Variants in TNFSF4 observed in about 807,000 individuals in gnomAD.
The protein encoded by TNFSF4 is tumor necrosis factor ligand superfamily member 4.
A neutral mutation model predicts 7.3 loss-of-function variants in TNFSF4; 4 were observed. The ratio of observed to expected loss-of-function variants is 0.55; its 90% confidence interval spans 0.27 to 1.25. TNFSF4 has a LOEUF of 1.25. Among genes scored for constraint, TNFSF4 ranks in the 50% most tolerant of loss-of-function variants. TNFSF4 has a pLI of 0.12. For synonymous variants in TNFSF4, 76 were observed against 83.7 expected (o/e 0.91, Z 0.50); for missense variants, 181 against 208.8 (o/e 0.87, Z 0.82).
At chr1:173,329,355 G>A in the TNFSF4 span, among the ~76,000 whole-genome samples, 1 of 152,082 alleles carries the variant, frequency 6.6e-6, no homozygotes, top group Non-Finnish European at 1.5e-5. Context: ...TACTTGTTAT[G>A]CTGTATTGTC....
chr1:173,373,350 A>G, the TNFSF4 span, among the ~76,000 whole-genome samples: 1 of 152,188 alleles, frequency 6.6e-6, no homozygotes, highest in African/African-American at 2.4e-5. Flanking sequence ...AGAAATACCT[A>G]TGGAAGGACC....
At chr1:173,258,344 G>T in the TNFSF4 span, among the ~76,000 whole-genome samples, 1 of 151,982 alleles carries the variant, frequency 6.6e-6, no homozygotes, top group African/African-American at 2.4e-5. Context: ...GGAAAAGCAG[G>T]GTGGAAAAAT....
At chr1:173,404,921 C>A in the TNFSF4 span, among the ~76,000 whole-genome samples, 1 of 151,932 alleles carries the variant, frequency 6.6e-6, no homozygotes, top group African/African-American at 2.4e-5. Flanking sequence ...TGTGAGCCAC[C>A]CTGCCCAGCC....
At chr1:173,285,600 G>T in the TNFSF4 span, among the ~76,000 whole-genome samples, 1 of 152,092 alleles carries the variant, frequency 6.6e-6, no homozygotes, top group African/African-American at 2.4e-5. Flanking sequence ...AATTGCCACT[G>T]CCACCACAAC....
the TNFSF4 span, among the ~76,000 whole-genome samples, chr1:173,390,737 C>CCT: frequency 2.3e-5 from 3 of 131,604 alleles, no homozygotes; most frequent in Admixed American, 8.0e-5. Flanking sequence ...CATTCTGCTT[C>CCT]TTTTTTTTTT....
the TNFSF4 span, chr1:173,175,524 G>C: frequency 2.6e-5 from 4 of 151,514 alleles, no homozygotes; most frequent in East Asian, 5.8e-4. Context: ...CTTTATTTTT[G>C]CTTTCTCCTC....
chr1:173,176,354 T>A, the TNFSF4 span, among the ~76,000 whole-genome samples: 1 of 152,158 alleles, frequency 6.6e-6, no homozygotes, highest in Non-Finnish European at 1.5e-5. Context: ...GGATACTCTA[T>A]CCCTCAGATG....
chr1:173,234,787 C>A, the TNFSF4 span, among the ~76,000 whole-genome samples: 2 of 152,032 alleles, frequency 1.3e-5, no homozygotes, highest in African/African-American at 2.4e-5. Context: ...CACACCGGGG[C>A]CTGTCGTGGG....
chr1:173,183,427 TAAG>T (rs1055570931), downstream of TNFSF4, among the ~76,000 whole-genome samples: 33 of 152,136 alleles, frequency 2.2e-4, no homozygotes, highest in African/African-American at 7.7e-4. Context: ...AGAGGGGACA[TAAG>T]AAATCATCCA....
At chr1:173,384,719 A>AT in the TNFSF4 span, among the ~76,000 whole-genome samples, 1 of 152,192 alleles carries the variant, frequency 6.6e-6, no homozygotes, top group African/African-American at 2.4e-5. Context: ...ATCTTGCCAT[A>AT]TTCTTTTTTT....
At chr1:173,420,222 A>G in the TNFSF4 span, among the ~76,000 whole-genome samples, 3 of 152,290 alleles carry the variant, frequency 2.0e-5, no homozygotes, top group South Asian at 2.1e-4. Flanking sequence ...ACAAAAAAAA[A>G]AGTAAAAAAC....
the TNFSF4 span, among the ~76,000 whole-genome samples, chr1:173,282,634 T>G: frequency 6.6e-6 from 1 of 152,210 alleles, no homozygotes; most frequent in East Asian, 1.9e-4. Flanking sequence ...AATTTTTGTA[T>G]TTTTAATAGA....
the TNFSF4 span, among the ~76,000 whole-genome samples, chr1:173,404,802 T>C: frequency 2.0e-5 from 3 of 152,106 alleles, no homozygotes; most frequent in Non-Finnish European, 4.4e-5. Flanking sequence ...CTGATAATTT[T>C]TGTATTTTTA....
the TNFSF4 span, among the ~76,000 whole-genome samples, chr1:173,177,302 T>A: frequency 2.6e-5 from 4 of 152,124 alleles, no homozygotes; most frequent in African/African-American, 4.8e-5. Flanking sequence ...GCAACATGGA[T>A]GGAGCTGGAA....
the TNFSF4 span, among the ~76,000 whole-genome samples, chr1:173,334,158 G>T: frequency 1.3e-5 from 2 of 152,072 alleles, no homozygotes; most frequent in African/African-American, 4.8e-5. Flanking sequence ...GTTCTTAATT[G>T]GTTGTGGGTT....
chr1:173,391,435 CAAAAAAAAAAAAAAAA>C, the TNFSF4 span, among the ~76,000 whole-genome samples: 27 of 108,820 alleles, frequency 2.5e-4, no homozygotes, highest in East Asian at 4.7e-4. Flanking sequence ...CCTTAGAAAG[CAAAAAAAAAAAAAAAA>C]AAAAAAAAAA....
the TNFSF4 span, among the ~76,000 whole-genome samples, chr1:173,410,490 T>C: frequency 6.6e-6 from 1 of 152,352 alleles, no homozygotes; most frequent in Admixed American, 6.5e-5. Flanking sequence ...AACTCCCCAT[T>C]TCTTCTTCTC....
chr1:173,199,824 T>C (rs1210341550), intron 1 of TNFSF4, among the ~76,000 whole-genome samples: 1 of 150,378 alleles, frequency 6.6e-6, no homozygotes, highest in Non-Finnish European at 1.5e-5. Flanking sequence ...TGGGAGATTA[T>C]ATAGCTTAAT....
the TNFSF4 span, among the ~76,000 whole-genome samples, chr1:173,380,011 C>T: frequency 3.9e-5 from 6 of 152,186 alleles, no homozygotes; most frequent in Non-Finnish European, 7.3e-5. Context: ...CACTGAGCGC[C>T]GGGTACGTTT....
Sources: gnomAD v4.1 joint callset for allele counts (sites outside exome capture counted in the v4.1 genomes callset) on GRCh38, gnomAD v4.1.1 for gene constraint, MANE v1.5 for transcripts, NCBI Gene and HGNC (gene_info 2026-07-23, HGNC 2026-07-21) for gene names.